Variants in MACROD2 observed in about 807,000 individuals in gnomAD.
The protein encoded by MACROD2 is mono-ADP ribosylhydrolase 2.
A neutral mutation model predicts 70.4 loss-of-function variants in MACROD2; 36 were observed. That is an observed-to-expected ratio of 0.51 (90% confidence interval 0.39 to 0.68). The LOEUF (loss-of-function observed/expected upper bound fraction) is 0.68, where lower values mean the gene tolerates loss of function less well. Among genes scored for constraint, MACROD2 ranks in the 30% least tolerant of loss-of-function variants. MACROD2 has a pLI of 0.00. For missense variants in MACROD2, 496 were observed against 538.4 expected (o/e 0.92, Z 0.78); for synonymous variants, 172 against 178.8 (o/e 0.96, Z 0.30).
At chr20:15,514,963 C>T (rs925511649) in intron 8 of MACROD2, among the ~76,000 whole-genome samples, 1 of 152,200 alleles carries the variant, frequency 6.6e-6, no homozygotes, top group Admixed American at 6.5e-5. Context: ...CAGTCTAATT[C>T]AGATCTCTTC....
intron 8 of MACROD2, among the ~76,000 whole-genome samples, chr20:15,538,514 T>C (rs1245096030): frequency 6.6e-6 from 1 of 152,218 alleles, no homozygotes; most frequent in Non-Finnish European, 1.5e-5. Context: ...GAGTTTGAGA[T>C]GCTCATCAGA....
chr20:14,395,874 C>G (rs1411738957), intron 3 of MACROD2, among the ~76,000 whole-genome samples: 1 of 151,946 alleles, frequency 6.6e-6, no homozygotes, highest in African/African-American at 2.4e-5. Flanking sequence ...ATTTAGTTTC[C>G]AAATATTTGA....
chr20:14,923,520 T>C (rs1297443860), intron 5 of MACROD2, among the ~76,000 whole-genome samples: 1 of 152,110 alleles, frequency 6.6e-6, no homozygotes, highest in African/African-American at 2.4e-5. Context: ...AACTCTATTC[T>C]TCCGCAGTTC....
chr20:14,624,959 T>C (rs1377798862), intron 4 of MACROD2, among the ~76,000 whole-genome samples: 1 of 152,168 alleles, frequency 6.6e-6, no homozygotes, highest in Non-Finnish European at 1.5e-5. Context: ...ACCTTTTGTA[T>C]GGTCCAAGTT....
intron 3 of MACROD2, among the ~76,000 whole-genome samples, chr20:14,466,881 T>C (rs946836744): frequency 6.6e-6 from 1 of 152,040 alleles, no homozygotes; most frequent in African/African-American, 2.4e-5. Flanking sequence ...TGCTGCCTGA[T>C]CGTTCCTCTG....
At chr20:16,036,544 G>A (rs1000277320) in intron 15 of MACROD2, among the ~76,000 whole-genome samples, 3 of 151,924 alleles carry the variant, frequency 2.0e-5, no homozygotes, top group African/African-American at 7.2e-5. Flanking sequence ...GCTCTGGAAT[G>A]TACCTCTTGT....
At chr20:15,491,912 G>A (rs2047236331) in intron 7 of MACROD2, among the ~76,000 whole-genome samples, 1 of 152,228 alleles carries the variant, frequency 6.6e-6, no homozygotes. Flanking sequence ...TTATGAATAT[G>A]CCATGTTATG....
At chr20:15,857,963 G>T (rs2064376643) in intron 8 of MACROD2, among the ~76,000 whole-genome samples, 1 of 152,074 alleles carries the variant, frequency 6.6e-6, no homozygotes, top group Non-Finnish European at 1.5e-5. Context: ...TCTTTGTATA[G>T]TCCAAGCCAC....
intron 5 of MACROD2, among the ~76,000 whole-genome samples, chr20:14,693,046 G>T (rs1336854546): frequency 6.6e-6 from 1 of 152,142 alleles, no homozygotes; most frequent in Non-Finnish European, 1.5e-5. Context: ...TTTAGAGGAC[G>T]CTGTCTATAC....
Position 14,376,300 on chromosome 20 carries a change from C to T in MACROD2, c.272-117179C>T, listed in dbSNP as rs577085555. Among the ~76,000 whole-genome samples the T allele has an allele frequency of 1.5e-3, 225 of 152,160 alleles. 3 individuals carry two copies. The highest frequency in any genetic ancestry group is 2.4e-3 in the Non-Finnish European group (161 of 68,018). On this transcript the variant is annotated intron_variant, in intron 3 of 17. Transcript: ENST00000684519. ...TACACCTTTACACTTTTGCTAGTGT[C>T]GTGACCAGAATTGTACATATATTGC... is the stretch of plus-strand genomic sequence containing the variant.
At chr20:14,945,650 G>A (rs955737238) in intron 5 of MACROD2, among the ~76,000 whole-genome samples, 14 of 152,144 alleles carry the variant, frequency 9.2e-5, no homozygotes, top group African/African-American at 3.4e-4. Context: ...ATATGGAGAT[G>A]TGTAAGAAGA....
chr20:14,950,308 T>C (rs977700220), intron 5 of MACROD2, among the ~76,000 whole-genome samples: 2 of 152,104 alleles, frequency 1.3e-5, no homozygotes, highest in Non-Finnish European at 2.9e-5. Flanking sequence ...GACCACATTA[T>C]ACATCTCAGG....
At chr20:15,519,749 G>C (rs2047625369) in intron 8 of MACROD2, among the ~76,000 whole-genome samples, 1 of 152,158 alleles carries the variant, frequency 6.6e-6, no homozygotes, top group African/African-American at 2.4e-5. Context: ...GAAGAATGAG[G>C]TAAGAATCTG....
At chr20:14,187,359 A>G (rs568007796) in intron 3 of MACROD2, among the ~76,000 whole-genome samples, 4 of 152,304 alleles carry the variant, frequency 2.6e-5, no homozygotes, top group Admixed American at 2.6e-4. Flanking sequence ...TGAAGCAGAA[A>G]AATTATCAAG....
At chr20:14,143,120 C>G (rs1231237977) in intron 3 of MACROD2, among the ~76,000 whole-genome samples, 5 of 152,148 alleles carry the variant, frequency 3.3e-5, no homozygotes, top group Non-Finnish European at 7.4e-5. Context: ...TAGTAGGAAG[C>G]TTAAACAAAT....
At chr20:15,844,568 G>T (rs1282371662) in intron 8 of MACROD2, among the ~76,000 whole-genome samples, 1 of 152,120 alleles carries the variant, frequency 6.6e-6, no homozygotes, top group Non-Finnish European at 1.5e-5. Context: ...TGGTGACAGT[G>T]GGATTTGTAA....
chr20:15,898,905 T>C (rs1042990673), intron 10 of MACROD2, among the ~76,000 whole-genome samples: 1 of 152,012 alleles, frequency 6.6e-6, no homozygotes, highest in Non-Finnish European at 1.5e-5. Context: ...TATATATATA[T>C]ATGCACACAC....
In MACROD2 at chr20:15,949,040, T is replaced by C. The variant is rs543711397; in HGVS notation, c.907+11496T>C. Among the ~76,000 whole-genome samples, 3 of 152,322 alleles carry C rather than the reference T, an allele frequency of 2.0e-5. No homozygotes were observed. In the South Asian group the frequency reaches 6.2e-4, roughly 32 times the overall value. On this transcript the variant is annotated intron_variant, in intron 12 of 17. Coordinates refer to ENST00000684519, the MANE Select transcript of MACROD2 (RefSeq NM_001351661.2). ...ATAATTTTCAAATTTAGTGGCCTTG[T>C]TTTTGAATTCCTTGGGCCAAGCCAT...
intron 3 of MACROD2, among the ~76,000 whole-genome samples, chr20:14,302,691 C>T (rs1424679777): frequency 2.6e-5 from 4 of 151,310 alleles, no homozygotes; most frequent in African/African-American, 9.7e-5. Flanking sequence ...GAGTTTCACT[C>T]TGTCACCAGG....
Sources: allele counts gnomAD v4.1 joint callset (sites outside exome capture counted in the v4.1 genomes callset), GRCh38; gene constraint gnomAD v4.1.1; transcripts MANE v1.5; gene names NCBI Gene and HGNC (gene_info 2026-07-23, HGNC 2026-07-21).